MPP7: variants seen among roughly 807,000 people sequenced by gnomAD.
MPP7 encodes MAGUK p55 subfamily member 7.
In MPP7, 60 loss-of-function variants were observed where a neutral mutation model predicts 76.5. The ratio of observed to expected loss-of-function variants is 0.78; its 90% CI spans 0.64 to 0.97. The LOEUF is 0.97. Among genes scored for constraint, MPP7 ranks in the 50% least tolerant of loss-of-function variants. The probability of loss-of-function intolerance (pLI) is 0.00; values close to 1 mark genes in which losing one functional copy is unlikely to be tolerated. For synonymous variants in MPP7, 237 were observed against 244.5 expected, an observed-to-expected ratio of 0.97 and a Z score of 0.29; for missense variants, 641 against 694.0, an observed-to-expected ratio of 0.92 and a Z score of 0.86.
intron 1 of MPP7, among the ~76,000 whole-genome samples, chr10:28,283,522 T>C (rs1409289092): frequency 6.6e-6 from 1 of 151,892 alleles, no homozygotes; most frequent in African/African-American, 2.4e-5. Context: ...TCCAAAGCTT[T>C]TGTTTTTTGT....
At chr10:28,064,204 G>T (rs1851903446) in intron 13 of MPP7, among the ~76,000 whole-genome samples, 1 of 152,172 alleles carries the variant, frequency 6.6e-6, no homozygotes, top group Non-Finnish European at 1.5e-5. Context: ...ATCAACAGGT[G>T]CATGGATAGA....
chr10:28,271,985 C>CA lies in MPP7; in HGVS notation c.-132+30875dup, dbSNP rs376259939. On this transcript the variant is annotated intron_variant, in intron 1 of 16. Coordinates refer to ENST00000683449, the MANE Select transcript of MPP7 (RefSeq NM_001318170.2). ...GCGAGACTCTGTCTCAAAAAACAAA[C>CA]AAAAAAAAGATTCTGGGGCACTTAC... Among the ~76,000 whole-genome samples the CA allele has an allele frequency of 1.9e-3, 289 of 151,668 alleles. 2 individuals carry two copies. Among genetic ancestry groups the CA allele is most frequent in the African/African-American group, 6.3e-3 (259 of 41,352 alleles).
At chr10:28,283,102 G>A (rs146574739) in intron 1 of MPP7, among the ~76,000 whole-genome samples, 29 of 152,094 alleles carry the variant, frequency 1.9e-4, no homozygotes, top group Non-Finnish European at 2.4e-4. Context: ...CACGTTGGTG[G>A]AGTAACTTAA....
chr10:28,160,401 C>A (rs1455189038), intron 3 of MPP7, among the ~76,000 whole-genome samples: 1 of 152,176 alleles, frequency 6.6e-6, no homozygotes, highest in Non-Finnish European at 1.5e-5. Flanking sequence ...TGACAACTCA[C>A]TAACTAGTAC....
chr10:28,223,173 TA>T (rs1266673446), intron 2 of MPP7, among the ~76,000 whole-genome samples: 1 of 152,112 alleles, frequency 6.6e-6, no homozygotes, highest in Non-Finnish European at 1.5e-5. Context: ...TCAAATGTAT[TA>T]ATATTTTATA....
At chr10:28,292,432 A>G (rs1589034678) in intron 1 of MPP7, among the ~76,000 whole-genome samples, 2 of 151,318 alleles carry the variant, frequency 1.3e-5, no homozygotes, top group East Asian at 4.0e-4. Flanking sequence ...ACTGTAACAA[A>G]GAAGACAAGA....
intron 2 of MPP7, among the ~76,000 whole-genome samples, chr10:28,319,691 T>C (rs1834348877): frequency 6.6e-6 from 1 of 152,142 alleles, no homozygotes. Flanking sequence ...AAACACATAT[T>C]GTGGCTAGGC....
At chr10:28,249,188 T>C (rs894966201) in intron 1 of MPP7, among the ~76,000 whole-genome samples, 2 of 151,948 alleles carry the variant, frequency 1.3e-5, no homozygotes, top group Non-Finnish European at 2.9e-5. Context: ...CTCTTCTTAG[T>C]TCTCCTGTCC....
chr10:28,209,381 A>T (rs1838055891), intron 2 of MPP7, among the ~76,000 whole-genome samples: 1 of 151,218 alleles, frequency 6.6e-6, no homozygotes, highest in Non-Finnish European at 1.5e-5. Flanking sequence ...AGGAGGGAGG[A>T]TCCTTTGAGC....
At chr10:28,124,957 C>T in intron 7 of MPP7, 53 bp downstream of exon 7, 1 of 1,438,922 alleles carries the variant, frequency 6.9e-7, no homozygotes. Flanking sequence ...ACTGGAAATG[C>T]TACACACGAA....
intron 12 of MPP7, among the ~76,000 whole-genome samples, chr10:28,070,524 T>G (rs1380264821): frequency 6.6e-6 from 1 of 152,242 alleles, no homozygotes; most frequent in Non-Finnish European, 1.5e-5. Context: ...TTTTAAGTGT[T>G]AATAAAACAA....
chr10:28,070,761 A>G (rs1252046153), intron 12 of MPP7, among the ~76,000 whole-genome samples: 1 of 152,234 alleles, frequency 6.6e-6, no homozygotes, highest in African/African-American at 2.4e-5. Context: ...ACAAAAGATG[A>G]CAAATTGACT....
rs144696307 is a variant in MPP7 at position 28,248,487 on chromosome 10, T to C, written c.-131-9752A>G. On this transcript the variant is annotated intron_variant, in intron 1 of 16. Transcript: ENST00000683449. Reference sequence around the variant, plus strand: ...TTTCCCCAGGTGGCATCTTCTCAGCTTCCTTGGCCTCCCTTTCTAAAATCT... The same window carrying C: ...TTTCCCCAGGTGGCATCTTCTCAGCCTCCTTGGCCTCCCTTTCTAAAATCT... 1.2e-3 allele frequency among the ~76,000 whole-genome samples: 178 copies of C among 152,268 alleles called. 1 individual carries two copies. The highest frequency in any genetic ancestry group is 4.1e-3 in the African/African-American group (169 of 41,556).
In MPP7 at chr10:28,279,394, G is replaced by A. The variant is rs769626127; in HGVS notation, c.-132+23467C>T. ...GAGGTGAATCTCTGATTGGTCTTTC[G>A]GGTTTGTCATTGGCTCACTACAGAA... On this transcript the variant is annotated intron_variant, in intron 1 of 16. Transcript: ENST00000683449. Among the ~76,000 whole-genome samples the A allele has an allele frequency of 2.0e-5, 3 of 151,900 alleles. 1 individual carries two copies. The highest frequency in any genetic ancestry group is 6.6e-5 in the Admixed American group (1 of 15,246).
At chr10:28,209,956 T>C (rs954091944) in intron 2 of MPP7, among the ~76,000 whole-genome samples, 3 of 152,188 alleles carry the variant, frequency 2.0e-5, no homozygotes, top group Non-Finnish European at 2.9e-5. Flanking sequence ...AGAGTCCAAA[T>C]AGATCCAAAA....
intron 11 of MPP7, among the ~76,000 whole-genome samples, chr10:28,112,407 C>G (rs1448094095): frequency 6.6e-6 from 1 of 151,996 alleles, no homozygotes; most frequent in African/African-American, 2.4e-5. Context: ...ACCACAAAAA[C>G]CAACAAAAAA....
At chr10:28,206,765 C>T (rs1481648439) in intron 2 of MPP7, among the ~76,000 whole-genome samples, 5 of 152,036 alleles carry the variant, frequency 3.3e-5, no homozygotes, top group African/African-American at 1.2e-4. Flanking sequence ...TAAAACTGAT[C>T]GGTTTTTCAT....
intron 1 of MPP7, among the ~76,000 whole-genome samples, chr10:28,268,599 G>A (rs1840220173): frequency 6.6e-6 from 1 of 152,048 alleles, no homozygotes; most frequent in South Asian, 2.1e-4. Flanking sequence ...GGGTGTGGTG[G>A]TGCACACCTG....
intron 2 of MPP7, among the ~76,000 whole-genome samples, chr10:28,234,821 T>G (rs1463360219): frequency 6.6e-6 from 1 of 151,786 alleles, no homozygotes; most frequent in Non-Finnish European, 1.5e-5. Context: ...TGTTGTTTTG[T>G]TTTTTTTGAG....
Sources: allele counts gnomAD v4.1 joint callset (sites outside exome capture counted in the v4.1 genomes callset), GRCh38; gene constraint gnomAD v4.1.1; transcripts MANE v1.5; gene names NCBI Gene and HGNC (gene_info 2026-07-23, HGNC 2026-07-21).